The following MYH14 variants were observed in gnomAD, a reference collection of about 807,000 sequenced individuals.
MYH14 encodes the protein myosin-14.
In MYH14, 123 loss-of-function variants were observed where a neutral mutation model predicts 255.5. The observed-to-expected ratio is 0.48, with a 90% confidence interval of 0.42 to 0.56. The LOEUF (loss-of-function observed/expected upper bound fraction) is 0.56. Among genes scored for constraint, MYH14 ranks in the 20% least tolerant of loss-of-function variants. The pLI is 0.00. For synonymous variants in MYH14, 1,095 were observed against 1,161.2 expected, an observed-to-expected ratio of 0.94 and a Z score of 1.16; for missense variants, 2,423 against 2,802.3, an observed-to-expected ratio of 0.86 and a Z score of 3.06.
chr19:50,309,590 C>T (rs1187634305), intron 42 of MYH14, 50 bp from the exon 43 acceptor site: 5 of 1,300,704 alleles, frequency 3.8e-6, no homozygotes, highest in Admixed American at 3.8e-5. Context: ...TTTCTCCTCC[C>T]CTCCCCTCCC....
chr19:50,307,259 A>G, intron 41 of MYH14, 102 bp downstream of exon 41: 2 of 703,358 alleles, frequency 2.8e-6, no homozygotes, highest in Non-Finnish European at 5.0e-6. Context: ...CACAAGAAGC[A>G]ATGTGCAGGT....
chr19:50,268,299 G>A lies in MYH14; in HGVS notation c.2965G>A (p.Val989Met), dbSNP rs749286731. ...ELVVSELEAR[V>M]GEEEECSRQM... is the part of the protein sequence containing the mutation. ...GGTGGTGTCAGAGCTGGAGGCTCGC[G>A]TGGGCGAGGAGGAGGAGTGCAGCCG... is the stretch of plus-strand genomic sequence containing the variant. The change falls in exon 24 of 43, where the codon GTG becomes ATG. Residue 989 changes from valine (V) to methionine (M), a missense_variant. Physicochemically the swap from Val to Met is conservative, Grantham distance 21 (BLOSUM62 1). This residue lies in a region of MYH14 where 1,513 missense variants were observed against 1,674.8 expected (regional missense o/e 0.90). Transcript: ENST00000642316. The A allele has an allele frequency of 3.0e-5, 47 of 1,588,358 alleles. No individual in the cohort carries two copies. Among genetic ancestry groups the A allele is most frequent in the African/African-American group, 4.0e-5 (3 of 74,358 alleles).
chr19:50,304,808 A>C (rs1354295512), intron 40 of MYH14, among the ~76,000 whole-genome samples: 1 of 152,128 alleles, frequency 6.6e-6, no homozygotes, highest in Non-Finnish European at 1.5e-5. Context: ...GAATACCCTG[A>C]GATGTAGTGG....
chr19:50,281,341 G>A (rs538782957), intron 32 of MYH14, among the ~76,000 whole-genome samples: 1 of 152,136 alleles, frequency 6.6e-6, no homozygotes, highest in South Asian at 2.1e-4. Flanking sequence ...CCCAGCAGCC[G>A]AGGGGCTCCC....
intron 40 of MYH14, among the ~76,000 whole-genome samples, chr19:50,302,726 CTG>C (rs2036533616): frequency 6.6e-6 from 1 of 151,820 alleles, no homozygotes; most frequent in African/African-American, 2.4e-5. Context: ...CATGGAGAAA[CTG>C]CGTCTCTACT....
At chr19:50,301,491 C>T (rs2036479368) in intron 39 of MYH14, among the ~76,000 whole-genome samples, 170 bp from the exon 40 acceptor site, 1 of 152,164 alleles carries the variant, frequency 6.6e-6, no homozygotes, top group Non-Finnish European at 1.5e-5. Flanking sequence ...AGTCAATAAA[C>T]TATTAATAAA....
At chr19:50,248,172 G>T (rs943565990) in intron 12 of MYH14, among the ~76,000 whole-genome samples, 10 of 152,142 alleles carry the variant, frequency 6.6e-5, no homozygotes, top group African/African-American at 2.4e-4. Context: ...ATGTCAGCAA[G>T]GGGCAGATCA....
chr19:50,233,968 C>T (rs1390423882), intron 10 of MYH14, among the ~76,000 whole-genome samples: 1 of 151,856 alleles, frequency 6.6e-6, no homozygotes, highest in Non-Finnish European at 1.5e-5. Flanking sequence ...GGCGTGTGTG[C>T]CACCACACCC....
At chr19:50,244,102 C>G in intron 10 of MYH14, 140 bp from the exon 11 acceptor site, 1 of 699,590 alleles carries the variant, frequency 1.4e-6, no homozygotes, top group Non-Finnish European at 2.5e-6. Context: ...AGCTATCACG[C>G]CCATCCCACA....
chr19:50,278,258 C>T lies in MYH14; in HGVS notation c.4001C>T (p.Ala1334Val), dbSNP rs377146023. The change falls in exon 30 of 43, where the codon GCG becomes GTG. Residue 1334 changes from alanine to valine, a missense_variant. Transcript: ENST00000642316. ...GRAGDGERAR[A>V]EAAEKLQRAQ... ...GCTGGTGATGGGGAGAGGGCACGAGCGGAGGCTGCTGAGAAGCTGCAGCGA... is the reference window on the plus strand; with the variant it reads ...GCTGGTGATGGGGAGAGGGCACGAGTGGAGGCTGCTGAGAAGCTGCAGCGA... The T allele has an allele frequency of 1.5e-5, 24 of 1,579,058 alleles. No homozygotes were observed. Among genetic ancestry groups the T allele is most frequent in the African/African-American group, 4.0e-5 (3 of 74,344 alleles).
chr19:50,278,234 C>A lies in MYH14; in HGVS notation c.3977C>A (p.Ala1326Asp). 1 of 1,599,180 alleles carries A rather than the reference C, an allele frequency of 6.3e-7. No homozygotes were observed. The highest frequency in any genetic ancestry group is 8.5e-7 in the Non-Finnish European group (1 of 1,173,902). ...ELQLQEVQGR[A>D]GDGERARAEA... ...CAGCTGCAGGAGGTGCAGGGCCGGG[C>A]TGGTGATGGGGAGAGGGCACGAGCG... Residue 1326 changes from alanine (A) to aspartate (D), a missense_variant, in exon 30 of 43, where the codon GCT (alanine) becomes GAT (aspartate). Ala to Asp is a moderately radical substitution (Grantham distance 126, BLOSUM62 -2). Around this residue, in one of 3 missense-constraint regions of MYH14, gnomAD observed 1,513 missense variants for 1,674.8 expected, o/e 0.90. Coordinates refer to ENST00000642316, the MANE Select transcript of MYH14 (RefSeq NM_001145809.2).
Position 50,260,650 on chromosome 19 carries a change from G to A in MYH14, c.2359G>A (p.Glu787Lys), listed in dbSNP as rs397516628. The A allele has an allele frequency of 8.7e-4, 1,396 of 1,612,592 alleles. 15 individuals carry two copies. The South Asian group carries it at 0.014, about 17-fold the overall frequency. ...ILFQEFRQRY[E>K]ILTPNAIPKG... is the part of the protein sequence containing the mutation. ...ACCCCTCCCTGCTCATTGCAGATACGAGATCCTGACACCCAATGCCATCCC... is the reference window on the plus strand; with the variant it reads ...ACCCCTCCCTGCTCATTGCAGATACAAGATCCTGACACCCAATGCCATCCC... The change falls in exon 20 of 43, where the codon GAG (glutamate) becomes AAG (lysine). Residue 787 changes from glutamate (E) to lysine (K), a missense_variant. Glu to Lys is a moderately conservative substitution (Grantham distance 56). Transcript: ENST00000642316.
chr19:50,249,566 C>A, intron 13 of MYH14, 84 bp from the exon 14 acceptor site: 1 of 1,548,410 alleles, frequency 6.5e-7, no homozygotes, highest in Non-Finnish European at 8.9e-7. Flanking sequence ...GCATCTCTGT[C>A]CCCTGTCTCT....
At chr19:50,224,032 T>TGGCCCCCCCCCCCCAC in intron 5 of MYH14, 122 bp from the exon 6 acceptor site, 1 of 610,332 alleles carries the variant, frequency 1.6e-6, no homozygotes, top group Middle Eastern at 4.4e-4. Context: ...ATGCCCGGTT[T>TGGCCCCCCCCCCCCAC]CCCCAGTCCC....
chr19:50,208,537 AC>A (rs2031972609), intron 1 of MYH14, among the ~76,000 whole-genome samples: 1 of 152,200 alleles, frequency 6.6e-6, no homozygotes, highest in Admixed American at 6.5e-5. Context: ...TTTTTAAAAA[AC>A]AAAAACCATA....
intron 27 of MYH14, 92 bp downstream of exon 27, chr19:50,272,823 C>G: frequency 7.7e-7 from 1 of 1,297,956 alleles, no homozygotes; most frequent in East Asian, 2.5e-5. Flanking sequence ...TGGGTACAAA[C>G]CCCAGTGGAG....
At chr19:50,279,661 C>T (rs1410712785) in intron 30 of MYH14, among the ~76,000 whole-genome samples, 1 of 152,234 alleles carries the variant, frequency 6.6e-6, no homozygotes, top group Non-Finnish European at 1.5e-5. Context: ...CAACAGCACG[C>T]AATAGATCCA....
At chr19:50,272,872 C>T in intron 27 of MYH14, 141 bp downstream of exon 27, 1 of 786,978 alleles carries the variant, frequency 1.3e-6, no homozygotes, top group East Asian at 2.7e-5. Flanking sequence ...CCCCTCCGAG[C>T]CTCAGTGTCC....
intron 12 of MYH14, among the ~76,000 whole-genome samples, chr19:50,248,059 CAAAAAAAAAAA>C (rs10588130): frequency 6.6e-5 from 7 of 106,834 alleles, no homozygotes; most frequent in African/African-American, 2.5e-4. Flanking sequence ...GACTCTGTCT[CAAAAAAAAAAA>C]AAAAAAGAAA....
Sources: allele counts gnomAD v4.1 joint callset (sites outside exome capture counted in the v4.1 genomes callset), GRCh38; gene constraint gnomAD v4.1.1; regional missense constraint gnomAD v4.1.1; transcripts MANE v1.5; gene names NCBI Gene and HGNC (gene_info 2026-07-23, HGNC 2026-07-21).